Variants in MAST3 observed in about 807,000 individuals in gnomAD.
MAST3 encodes microtubule-associated serine/threonine-protein kinase 3.
A neutral mutation model predicts 127.0 loss-of-function variants in MAST3; 43 were observed. That is an observed-to-expected ratio of 0.34 (90% CI 0.27 to 0.44). The LOEUF is 0.44. Among genes scored for constraint, MAST3 ranks in the 20% least tolerant of loss-of-function variants. The probability of loss-of-function intolerance (pLI) is 1.00; values close to 1 mark genes in which losing one functional copy is unlikely to be tolerated. For missense variants in MAST3, 1,390 were observed against 1,919.1 expected (o/e 0.72, Z 5.15); for synonymous variants, 785 against 809.2 (o/e 0.97, Z 0.51).
intron 25 of MAST3, among the ~76,000 whole-genome samples, chr19:18,146,505 C>T (rs2043027644): frequency 6.6e-6 from 1 of 152,010 alleles, no homozygotes; most frequent in African/African-American, 2.4e-5. Flanking sequence ...CATTGAATAG[C>T]TGGACACTGG....
At chr19:18,133,085 C>T (rs1055453937) in intron 15 of MAST3, among the ~76,000 whole-genome samples, 4 of 150,546 alleles carry the variant, frequency 2.7e-5, no homozygotes, top group East Asian at 3.9e-4. Flanking sequence ...GGCGACAGAG[C>T]GAGACTCCAT....
rs1056990964 is a variant in MAST3, at chr19:18,112,009, G to A, written c.161+1268G>A. 3.3e-5 allele frequency among the ~76,000 whole-genome samples: 5 copies of A among 152,348 alleles called. No homozygotes were observed. The highest frequency in any genetic ancestry group is 7.4e-5 in the Non-Finnish European group (5 of 68,026). ...CTTCTCAGTCAGCTTAGGGAATTCAGTGATAAAACTAATGGATAAACAAGA... is the reference window on the plus strand; with the variant it reads ...CTTCTCAGTCAGCTTAGGGAATTCAATGATAAAACTAATGGATAAACAAGA... On this transcript the variant is annotated intron_variant, in intron 3 of 27. Transcript: ENST00000687212. The surrounding 1 kb of genome is among the most constrained non-coding windows in gnomAD (Gnocchi z 4.1).
chr19:18,111,189 G>T (rs2038569757), intron 3 of MAST3, among the ~76,000 whole-genome samples: 1 of 152,010 alleles, frequency 6.6e-6, no homozygotes, highest in Non-Finnish European at 1.5e-5. Flanking sequence ...AAGAACCAGG[G>T]TGACTGAGCG....
chr19:18,141,263 C>T (rs1468297849), intron 20 of MAST3, among the ~76,000 whole-genome samples: 5 of 151,982 alleles, frequency 3.3e-5, no homozygotes, highest in Non-Finnish European at 7.4e-5. Context: ...GTTTTTCCAT[C>T]TGTACAATGG....
chr19:18,116,636 A>G (rs965136292), intron 3 of MAST3, among the ~76,000 whole-genome samples: 20 of 135,668 alleles, frequency 1.5e-4, no homozygotes, highest in Admixed American at 1.1e-3. Flanking sequence ...TTGGCTGGGC[A>G]AGGTGGCTCA....
intron 3 of MAST3, among the ~76,000 whole-genome samples, chr19:18,115,575 C>T (rs1475649660): frequency 6.6e-6 from 1 of 151,946 alleles, no homozygotes; most frequent in Non-Finnish European, 1.5e-5. Context: ...TAGGTGACCA[C>T]TCCCATACTC....
At position 18,149,778 on chromosome 19, in the gene MAST3, T is replaced by C. The variant is rs2043401211; in HGVS notation, c.*52T>C. On this transcript the variant is annotated 3_prime_UTR_variant, in exon 28 of 28. Transcript: ENST00000687212. The surrounding 1 kb of genome is among the most constrained non-coding windows in gnomAD (Gnocchi z 5.9). ...CAAAGTTACGCGTTTTCTTGTGCAATGTTTTTTCCGTAAAGTCATGCCTGG... is the reference window on the plus strand; with the variant it reads ...CAAAGTTACGCGTTTTCTTGTGCAACGTTTTTTCCGTAAAGTCATGCCTGG... The C allele has an allele frequency of 6.2e-7, 1 of 1,601,250 alleles. No homozygotes were observed. The highest frequency in any genetic ancestry group is 8.5e-7 in the Non-Finnish European group (1 of 1,177,878).
Position 18,147,554 on chromosome 19 carries a change from C to T in MAST3, c.3438C>T (p.Gly1146=), listed in dbSNP as rs1039861569. ...HSLSSSESLP[G]SPTHSLSPSP... ...TGTCATCCAGTGAGAGCCTCCCCGGCTCGCCCACCCACAGCCTCTCCCCCA... is the reference window on the plus strand; with the variant it reads ...TGTCATCCAGTGAGAGCCTCCCCGGTTCGCCCACCCACAGCCTCTCCCCCA... Residue 1146 remains glycine (G), a synonymous_variant, in exon 27 of 28, where the codon GGC becomes GGT. Transcript: ENST00000687212. 6.3e-6 allele frequency: 10 copies of T among 1,594,070 alleles called. No individual in the cohort carries two copies. The African/African-American group carries it at 1.3e-4, about 21-fold the overall frequency.
At chr19:18,103,076 C>A (rs1162610408) in intron 1 of MAST3, among the ~76,000 whole-genome samples, 1 of 152,154 alleles carries the variant, frequency 6.6e-6, no homozygotes, top group Non-Finnish European at 1.5e-5. Flanking sequence ...TGGGTGGGAA[C>A]CACTCCCAGG....
intron 21 of MAST3, among the ~76,000 whole-genome samples, chr19:18,142,539 A>G (rs2147752376): frequency 6.6e-6 from 1 of 150,994 alleles, no homozygotes; most frequent in East Asian, 2.0e-4. Context: ...TTTAGTAGAG[A>G]CGGGGTTTTG....
intron 17 of MAST3, 37 bp downstream of exon 17, chr19:18,135,019 C>A: frequency 1.3e-6 from 2 of 1,559,110 alleles, no homozygotes; most frequent in South Asian, 1.2e-5. Flanking sequence ...TGAGCTGCAG[C>A]CCCACCAGAG....
In MAST3 at chr19:18,151,244, C is replaced by T. The variant is rs2043501611; in HGVS notation, c.*1518C>T. The T allele has an allele frequency of 1.3e-5, 2 of 152,240 alleles. No homozygotes were observed. The highest frequency in any genetic ancestry group is 6.5e-5 in the Admixed American group (1 of 15,280). The allele number at this position is 152,240 out of a possible 1,614,324, so 9.4% of individuals were successfully genotyped here. On this transcript the variant is annotated 3_prime_UTR_variant, in exon 28 of 28. Transcript: ENST00000687212. ...CCATTGACTGTTTATTAAGCACCTA[C>T]TGTGTGCCAAGCGCTTTTACGTGGC...
intron 3 of MAST3, among the ~76,000 whole-genome samples, chr19:18,114,434 C>T (rs1434770068): frequency 6.6e-6 from 1 of 152,132 alleles, no homozygotes; most frequent in Non-Finnish European, 1.5e-5. Context: ...AGCGATCTGC[C>T]CATCTCAGCC....
chr19:18,131,181 C>T (rs956064109), intron 14 of MAST3, among the ~76,000 whole-genome samples: 2 of 152,072 alleles, frequency 1.3e-5, no homozygotes, highest in African/African-American at 2.4e-5. Context: ...TTTGGGAGGC[C>T]GAAGTGGGCT....
At chr19:18,100,128 C>CTCTCTTTTTTTTTTTTTTTTT (rs776661078) in intron 1 of MAST3, among the ~76,000 whole-genome samples, 2 of 121,718 alleles carry the variant, frequency 1.6e-5, no homozygotes, top group East Asian at 5.3e-4. Context: ...CTCTCTCTCT[C>CTCTCTTTTTTTTTTTTTTTTT]TTTTTTTTTT....
intron 11 of MAST3, 26 bp downstream of exon 11, chr19:18,124,800 C>A: frequency 6.4e-7 from 1 of 1,565,268 alleles, no homozygotes; most frequent in Non-Finnish European, 8.7e-7. Context: ...AAGAGGAAAC[C>A]AAGGCTGGGA....
intron 3 of MAST3, among the ~76,000 whole-genome samples, chr19:18,113,804 A>T (rs1448149558): frequency 6.7e-6 from 1 of 149,396 alleles, no homozygotes; most frequent in Non-Finnish European, 1.5e-5. Context: ...CACCATGTTG[A>T]CCAGGCTGGT....
At chr19:18,109,853 G>A (rs967652590) in intron 2 of MAST3, 187 of 798,058 alleles carry the variant, frequency 2.3e-4, no homozygotes, top group Non-Finnish European at 2.1e-4. Flanking sequence ...GGGAGTTGGG[G>A]CGGACTGCGC....
At position 18,147,542 on chromosome 19, in the gene MAST3, G is replaced by T. The variant is rs746362529; in HGVS notation, c.3426G>T (p.Glu1142Asp). 4.4e-6 allele frequency: 7 copies of T among 1,604,770 alleles called. No individual in the cohort carries two copies. The highest frequency in any genetic ancestry group is 5.1e-6 in the Non-Finnish European group (6 of 1,175,986). The change falls in exon 27 of 28, where the codon GAG (glutamate) becomes GAT (aspartate). Residue 1142 changes from glutamate (E) to aspartate (D), a missense_variant. Glu to Asp is a conservative substitution (Grantham distance 45). Around this residue, in one of 5 missense-constraint regions of MAST3, gnomAD observed 816 missense variants for 934.1 expected, o/e 0.87. Transcript: ENST00000687212. ...SGLHHSLSSS[E>D]SLPGSPTHSL... Reference sequence around the variant, plus strand: ...TCCACCACTCACTGTCATCCAGTGAGAGCCTCCCCGGCTCGCCCACCCACA... The same window carrying T: ...TCCACCACTCACTGTCATCCAGTGATAGCCTCCCCGGCTCGCCCACCCACA...
Sources: gnomAD v4.1 joint callset for allele counts (sites outside exome capture counted in the v4.1 genomes callset) on GRCh38, gnomAD v4.1.1 for gene constraint, gnomAD v4.1.1 regional missense constraint, Gnocchi (gnomAD v3.1) non-coding constraint, MANE v1.5 for transcripts, NCBI Gene and HGNC (gene_info 2026-07-23, HGNC 2026-07-21) for gene names.